The following MYLK4 variants were observed in gnomAD, a reference collection of about 807,000 sequenced individuals.
The protein encoded by MYLK4 is myosin light chain kinase family member 4, also known as caMLCK like.
Under a neutral mutation model 48.1 loss-of-function variants are expected in MYLK4, and 46 were observed. The ratio of observed to expected loss-of-function variants is 0.96; its 90% CI spans 0.75 to 1.22. MYLK4 has a LOEUF of 1.22. Ranked by LOEUF, MYLK4 falls within the 50% of genes most tolerant of loss-of-function variation. The pLI, the probability that MYLK4 is intolerant of heterozygous loss-of-function variation, is 0.00. For synonymous variants in MYLK4, 170 were observed against 180.8 expected (o/e 0.94, Z 0.48); for missense variants, 451 against 486.1 (o/e 0.93, Z 0.68).
At chr6:2,694,018 CA>C (rs776547297) in intron 2 of MYLK4, among the ~76,000 whole-genome samples, 2 of 152,152 alleles carry the variant, frequency 1.3e-5, no homozygotes, top group African/African-American at 2.4e-5. Flanking sequence ...CCCGGCCTCC[CA>C]AAGTGCTGGG....
intron 2 of MYLK4, among the ~76,000 whole-genome samples, chr6:2,716,194 C>G (rs1460276382): frequency 6.6e-6 from 1 of 152,178 alleles, no homozygotes; most frequent in East Asian, 1.9e-4. Flanking sequence ...AGGTTACTAC[C>G]ATGTGGTCAG....
chr6:2,698,676 C>A (rs1199298108), intron 2 of MYLK4, among the ~76,000 whole-genome samples: 4 of 152,042 alleles, frequency 2.6e-5, no homozygotes, highest in African/African-American at 9.7e-5. Context: ...TAAATAAATC[C>A]TACAAGAATA....
At chr6:2,726,682 G>A (rs1238530077) in intron 2 of MYLK4, among the ~76,000 whole-genome samples, 6 of 145,600 alleles carry the variant, frequency 4.1e-5, no homozygotes, top group East Asian at 2.0e-4. Context: ...GCGGGATTTC[G>A]GCTCACTGCA....
chr6:2,749,657 T>C (rs1351627875), intron 1 of MYLK4, among the ~76,000 whole-genome samples: 1 of 152,186 alleles, frequency 6.6e-6, no homozygotes, highest in East Asian at 1.9e-4. Context: ...GGTGATGAAA[T>C]ATGCTCCTTA....
At chr6:2,692,725 A>G (rs1332375861) in intron 3 of MYLK4, 59 bp downstream of exon 3, 2 of 1,486,090 alleles carry the variant, frequency 1.3e-6, no homozygotes, top group East Asian at 2.3e-5. Flanking sequence ...GAATAACAAC[A>G]GGACTTTTAT....
chr6:2,768,896 C>T, the MYLK4 span: 6 of 1,596,082 alleles, frequency 3.8e-6, no homozygotes, highest in African/African-American at 1.3e-5. Flanking sequence ...TATTAACTTC[C>T]TTCTACCTTT....
At chr6:2,765,017 C>G in the MYLK4 span, among the ~76,000 whole-genome samples, 2 of 152,202 alleles carry the variant, frequency 1.3e-5, no homozygotes, top group Non-Finnish European at 2.9e-5. Flanking sequence ...CCCCACAGGC[C>G]CATTCAACAG....
chr6:2,770,056 A>G, the MYLK4 span: 1 of 1,603,104 alleles, frequency 6.2e-7, no homozygotes, highest in East Asian at 2.2e-5. Context: ...TAGCCAACTT[A>G]CATAGGATTC....
chr6:2,717,475 G>A lies in MYLK4; in HGVS notation c.160-24616C>T, dbSNP rs148470176. 1.4e-4 allele frequency among the ~76,000 whole-genome samples: 21 copies of A among 152,314 alleles called. No individual in the cohort carries two copies. The South Asian group carries it at 1.9e-3, about 14-fold the overall frequency. On this transcript the variant is annotated intron_variant, in intron 2 of 12. Coordinates refer to ENST00000274643, the MANE Select transcript of MYLK4 (RefSeq NM_001012418.5). Reference sequence around the variant, plus strand: ...GGAACGTACAATATGGCTGTTGGGCGTTGGGAGATCCAGTTCAGCACCCCC... The same window carrying A: ...GGAACGTACAATATGGCTGTTGGGCATTGGGAGATCCAGTTCAGCACCCCC...
chr6:2,671,370 T>G (rs1200514156), intron 11 of MYLK4, 22 bp from the exon 12 acceptor site: 1 of 1,612,490 alleles, frequency 6.2e-7, no homozygotes, highest in Non-Finnish European at 8.5e-7. Context: ...AGAAGGCATA[T>G]GGGAAGGATT....
At chr6:2,728,440 C>G (rs1427659635) in intron 2 of MYLK4, among the ~76,000 whole-genome samples, 3 of 152,124 alleles carry the variant, frequency 2.0e-5, no homozygotes, top group Admixed American at 2.0e-4. Flanking sequence ...TGATGATGCC[C>G]AGCCCTGGAG....
chr6:2,758,556 A>G, the MYLK4 span, among the ~76,000 whole-genome samples: 1 of 152,060 alleles, frequency 6.6e-6, no homozygotes, highest in African/African-American at 2.4e-5. Context: ...AGCCACCACC[A>G]GGTCAAGAAT....
At chr6:2,730,594 T>A (rs1763444442) in intron 2 of MYLK4, among the ~76,000 whole-genome samples, 1 of 152,138 alleles carries the variant, frequency 6.6e-6, no homozygotes, top group South Asian at 2.1e-4. Context: ...AGTGTAGGAA[T>A]CCCCTGTTGC....
At position 2,692,804 on chromosome 6, in the gene MYLK4, T is replaced by G. The variant is rs1761860403; in HGVS notation, c.215A>C (p.Lys72Thr). ...DLTERMPVKSKRTSALAVDIP... is the reference protein window; with the variant it reads ...DLTERMPVKSTRTSALAVDIP... ...GTTACCTGCGAGGGCTGATGTCCTT[T>G]TGCTTTTGACGGGCATCCTTTCCGT... Residue 72 changes from lysine (K) to threonine (T), a missense_variant, in exon 3 of 13, where the codon AAA (lysine) becomes ACA (threonine). Transcript: ENST00000274643. The G allele has an allele frequency of 6.2e-7, 1 of 1,613,832 alleles. No homozygotes were observed. Among genetic ancestry groups the G allele is most frequent in the Non-Finnish European group, 8.5e-7 (1 of 1,179,960 alleles).
chr6:2,718,637 T>C (rs1762954026), intron 2 of MYLK4, among the ~76,000 whole-genome samples: 1 of 152,192 alleles, frequency 6.6e-6, no homozygotes, highest in Admixed American at 6.5e-5. Flanking sequence ...ACTTCTTTAT[T>C]GTGAGGGCCG....
intron 9 of MYLK4, among the ~76,000 whole-genome samples, chr6:2,678,711 G>GT (rs11344815): frequency 0.36 from 47,338 of 132,228 alleles, 8,844 homozygotes; most frequent in African/African-American, 0.39. Context: ...TAGGAGATCA[G>GT]TTTTTTTTTT....
intron 2 of MYLK4, among the ~76,000 whole-genome samples, chr6:2,721,971 G>A (rs183178567): frequency 2.0e-5 from 3 of 152,292 alleles, no homozygotes; most frequent in African/African-American, 7.2e-5. Context: ...ATCATTCTCA[G>A]AAAACTACTG....
chr6:2,733,457 G>T (rs986206423), intron 2 of MYLK4, among the ~76,000 whole-genome samples: 2 of 152,118 alleles, frequency 1.3e-5, no homozygotes, highest in South Asian at 4.1e-4. Flanking sequence ...AATGGTATCA[G>T]CCAAAATGAG....
intron 2 of MYLK4, among the ~76,000 whole-genome samples, chr6:2,748,691 G>A (rs534412890): frequency 6.6e-6 from 1 of 152,332 alleles, no homozygotes; most frequent in Non-Finnish European, 1.5e-5. Flanking sequence ...CCCCACCGTC[G>A]TGCCATCAGC....
Sources: gnomAD v4.1 joint callset for allele counts (sites outside exome capture counted in the v4.1 genomes callset) on GRCh38, gnomAD v4.1.1 for gene constraint, MANE v1.5 for transcripts, NCBI Gene and HGNC (gene_info 2026-07-23, HGNC 2026-07-21) for gene names.